SLC48A1: variants seen among roughly 807,000 people sequenced by gnomAD.
SLC48A1 encodes the protein heme transporter HRG1.
Under a neutral mutation model 14.8 loss-of-function variants are expected in SLC48A1, and 6 were observed. The observed-to-expected ratio is 0.41, with a 90% CI of 0.22 to 0.80. SLC48A1 has a LOEUF of 0.80. Among genes scored for constraint, SLC48A1 ranks in the 30% least tolerant of loss-of-function variants. The pLI is 0.34. For missense variants in SLC48A1, 165 were observed against 204.8 expected, an observed-to-expected ratio of 0.81 and a Z score of 1.19; for synonymous variants, 89 against 90.0, an observed-to-expected ratio of 0.99 and a Z score of 0.06.
At chr12:47,764,148 A>ATG (rs1565776661) in intron 2 of SLC48A1, among the ~76,000 whole-genome samples, 1 of 152,076 alleles carries the variant, frequency 6.6e-6, no homozygotes, top group Non-Finnish European at 1.5e-5. Flanking sequence ...GAGAGAGAGC[A>ATG]TGTGTGTGTA....
At chr12:47,778,770 T>C (rs1429515190) in intron 1 of SLC48A1, 2 of 428,386 alleles carry the variant, frequency 4.7e-6, no homozygotes, top group Non-Finnish European at 8.3e-6. Context: ...ATTCATGTTT[T>C]CCAAAACAAA....
At chr12:47,773,527 G>A in intron 1 of SLC48A1, 87 bp downstream of exon 1, 2 of 1,237,662 alleles carry the variant, frequency 1.6e-6, no homozygotes, top group South Asian at 2.9e-5. Context: ...CCCGCGAGCG[G>A]CGCTTCCCCG....
rs920754092 is a variant in SLC48A1, at chr12:47,780,008, G to A, written c.305-137G>A. ...ATGGCTCTAAAACCTCCATCACAGT[G>A]TCTTTCTGAAGGGTTGGTTCAGCTG... On this transcript the variant is annotated intron_variant, in intron 2 of 2. Coordinates refer to ENST00000442218, the MANE Select transcript of SLC48A1 (RefSeq NM_017842.3). The A allele has an allele frequency of 3.6e-6, 4 of 1,113,794 alleles. No homozygotes were observed. The South Asian group carries it at 7.0e-5, about 20-fold the overall frequency. 69.0% of individuals were successfully genotyped at this position (1,113,794 alleles called of 1,614,324 possible).
At chr12:47,758,933 C>A in intron 1 of SLC48A1, 2 of 1,036,488 alleles carry the variant, frequency 1.9e-6, no homozygotes, top group Non-Finnish European at 2.3e-6. Context: ...CGCCCCCTTC[C>A]CCTCCCCAGG....
chr12:47,773,231 G>A (rs909162506), upstream of SLC48A1: 1 of 1,134,138 alleles, frequency 8.8e-7, no homozygotes, highest in Non-Finnish European at 1.1e-6. Flanking sequence ...CCGCGGCTCC[G>A]GCTGGCGGCT....
chr12:47,778,818 C>G, intron 1 of SLC48A1: 3 of 471,698 alleles, frequency 6.4e-6, no homozygotes, highest in Non-Finnish European at 1.1e-5. Context: ...TGTATTTCTG[C>G]AGGTTTCTCT....
At chr12:47,759,125 C>A in intron 1 of SLC48A1, 1 of 984,412 alleles carries the variant, frequency 1.0e-6, no homozygotes. Flanking sequence ...GAGGCCGCAA[C>A]GGCCGGGGTG....
At chr12:47,760,444 G>C (rs576188454) in intron 2 of SLC48A1, 2 of 981,080 alleles carry the variant, frequency 2.0e-6, no homozygotes, top group African/African-American at 3.5e-5. Flanking sequence ...CATGAGTTTC[G>C]GGTTGCTGGG....
upstream of SLC48A1, chr12:47,770,916 C>T (rs57408752): frequency 1.1e-3 from 499 of 456,650 alleles, 4 homozygotes; most frequent in African/African-American, 9.2e-3. Context: ...GCGGTTCCCA[C>T]TGCCTGGAGT....
upstream of SLC48A1, chr12:47,773,060 T>G (rs1302292866): frequency 1.1e-5 from 5 of 461,650 alleles, no homozygotes; most frequent in Non-Finnish European, 1.4e-5. Flanking sequence ...GGAATCCGCC[T>G]TTTTAGCAGC....
chr12:47,756,129 C>T (rs562939511), upstream of SLC48A1: 4 of 152,326 alleles, frequency 2.6e-5, no homozygotes, highest in East Asian at 1.9e-4. Flanking sequence ...CTCCAGCAAC[C>T]TTTACCCCCA....
rs1166697956 is a variant in SLC48A1, at chr12:47,773,419, G to A, written c.115G>A (p.Ala39Thr). 1.4e-6 allele frequency: 2 copies of A among 1,436,368 alleles called. No homozygotes were observed. Among genetic ancestry groups the A allele is most frequent in the Non-Finnish European group, 1.8e-6 (2 of 1,088,032 alleles). The allele number at this position is 1,436,368 out of a possible 1,614,324, so 89.0% of individuals were successfully genotyped here. Residue 39 changes from alanine to threonine, a missense_variant, in exon 1 of 3, where the codon GCG becomes ACG. Physicochemically the swap from Ala to Thr is moderately conservative, Grantham distance 58. Coordinates refer to ENST00000442218, the MANE Select transcript of SLC48A1 (RefSeq NM_017842.3). ...GGTGGTCTACCGACAGCCGGGGACC[G>A]CGGCCATGGGAGGGCTCGCAGGTAC... Reference protein sequence around the residue: ...WTVVYRQPGTAAMGGLAGVLA... With the variant: ...WTVVYRQPGTTAMGGLAGVLA...
Position 47,778,996 on chromosome 12 carries a change from T to C in SLC48A1, c.137-32T>C, listed in dbSNP as rs983487547. 5.8e-6 allele frequency: 9 copies of C among 1,544,940 alleles called. No homozygotes were observed. The Admixed American group carries it at 7.9e-5, about 14-fold the overall frequency. On this transcript the variant is annotated intron_variant, in intron 1 of 2. Coordinates refer to ENST00000442218, the MANE Select transcript of SLC48A1 (RefSeq NM_017842.3). ...GGATCTGCAGGGCTCTGGAGCACCC[T>C]GGGGATGGGCCCTGATGTGTCTCTC...
At chr12:47,754,223 C>T (rs1372306055), upstream of SLC48A1, among the ~76,000 whole-genome samples, 1 of 152,276 alleles carries the variant, frequency 6.6e-6, no homozygotes, top group African/African-American at 2.4e-5. Context: ...TACCGTCTTC[C>T]ATTATGCCTA....
rs114369877 is a variant in SLC48A1, at chr12:47,775,780, G to A, written c.136+2340G>A. On this transcript the variant is annotated intron_variant, in intron 1 of 2. Transcript: ENST00000442218. ...CTGGAGCAGAGTCATGGAGCCCCTG[G>A]GTCTGGTGGGCAGAGTGTTCACGGG... Among the ~76,000 whole-genome samples the A allele has an allele frequency of 1.5e-3, 234 of 152,246 alleles. 1 individual carries two copies. Among genetic ancestry groups the A allele is most frequent in the African/African-American group, 5.5e-3 (228 of 41,540 alleles).
intron 1 of SLC48A1, 49 bp downstream of exon 1, chr12:47,773,489 G>C: frequency 7.8e-7 from 1 of 1,286,244 alleles, no homozygotes; most frequent in Non-Finnish European, 9.9e-7. Flanking sequence ...GCTGCGGGGC[G>C]GGCGCCGTCA....
chr12:47,758,479 A>C, upstream of SLC48A1: 1 of 1,586,586 alleles, frequency 6.3e-7, no homozygotes, highest in South Asian at 1.1e-5. Context: ...CTCCCACCCA[A>C]ACTCCCCACC....
chr12:47,767,215 A>C (rs941173877), upstream of SLC48A1, among the ~76,000 whole-genome samples: 4 of 151,850 alleles, frequency 2.6e-5, no homozygotes, highest in Admixed American at 2.6e-4. Context: ...AGGGGCGGCA[A>C]GGGGACCACA....
chr12:47,773,078 C>T (rs1806932175), upstream of SLC48A1: 2 of 573,480 alleles, frequency 3.5e-6, no homozygotes, highest in African/African-American at 2.0e-5. Flanking sequence ...AGCATTCCCC[C>T]AAACGACACG....
Sources: gnomAD v4.1 joint callset for allele counts (sites outside exome capture counted in the v4.1 genomes callset) on GRCh38, gnomAD v4.1.1 for gene constraint, MANE v1.5 for transcripts, NCBI Gene and HGNC (gene_info 2026-07-23, HGNC 2026-07-21) for gene names.